Variants in RCBTB1 observed in about 807,000 individuals in gnomAD.
RCBTB1 encodes the protein RCC1 and BTB domain-containing protein 1.
RCBTB1 carries 46 observed loss-of-function variants against 62.4 expected under a neutral mutation model. The observed-to-expected ratio is 0.74, with a 90% CI of 0.58 to 0.94. The LOEUF (loss-of-function observed/expected upper bound fraction) is 0.94. RCBTB1 is among the 40% of genes least tolerant of loss of function. The pLI is 0.00. For missense variants in RCBTB1, 565 were observed against 654.9 expected (o/e 0.86, Z 1.50); for synonymous variants, 222 against 245.8 (o/e 0.90, Z 0.91).
chr13:49,572,695 T>G (rs1309113892), intron 2 of RCBTB1, among the ~76,000 whole-genome samples: 1 of 152,006 alleles, frequency 6.6e-6, no homozygotes, highest in Non-Finnish European at 1.5e-5. Flanking sequence ...TCTCAGCTAC[T>G]CAGGAGGCTG....
At chr13:49,575,857 A>G (rs2137372625) in intron 2 of RCBTB1, among the ~76,000 whole-genome samples, 1 of 152,252 alleles carries the variant, frequency 6.6e-6, no homozygotes, top group East Asian at 1.9e-4. Context: ...ATACCCATGT[A>G]ACAAACCTGC....
Position 49,541,729 on chromosome 13 carries a change from A to C in RCBTB1, c.1271T>G (p.Phe424Cys), listed in dbSNP as rs756269937. The change falls in exon 11 of 13, where the codon TTT becomes TGT. Residue 424 changes from phenylalanine (F) to cysteine (C), a missense_variant. By Grantham distance (205) the Phe-to-Cys change is radical (BLOSUM62 -2). Transcript: ENST00000378302. ...TGTGTCTGTGTAGAGGTACTGGAGA[A>C]AGGCACGATACACTGGGTAAGAAAA... is the stretch of plus-strand genomic sequence containing the variant. ...DQFSYPVYRA[F>C]LQYLYTDTVD... 5.0e-6 allele frequency: 8 copies of C among 1,613,978 alleles called. No individual in the cohort carries two copies. Among genetic ancestry groups the C allele is most frequent in the Non-Finnish European group, 6.8e-6 (8 of 1,180,024 alleles).
At chr13:49,542,183 T>G (rs140833440) in intron 10 of RCBTB1, among the ~76,000 whole-genome samples, 2,067 of 147,290 alleles carry the variant, frequency 0.014, 42 homozygotes, top group African/African-American at 0.049. Flanking sequence ...TTCTGCACTC[T>G]AGCCTGGCAA....
intron 4 of RCBTB1, among the ~76,000 whole-genome samples, chr13:49,564,356 G>T (rs1279874944): frequency 6.6e-6 from 1 of 152,092 alleles, no homozygotes; most frequent in Non-Finnish European, 1.5e-5. Flanking sequence ...GGAAGCCAAG[G>T]TGGGCGGATC....
At chr13:49,570,385 G>A (rs112271537) in intron 2 of RCBTB1, among the ~76,000 whole-genome samples, 141 of 152,304 alleles carry the variant, frequency 9.3e-4, no homozygotes, top group African/African-American at 3.2e-3. Context: ...CCAAAGACTT[G>A]TCATTTAAGA....
intron 2 of RCBTB1, among the ~76,000 whole-genome samples, chr13:49,567,686 C>T (rs553033344): frequency 2.0e-5 from 3 of 152,214 alleles, no homozygotes; most frequent in East Asian, 1.9e-4. Flanking sequence ...ACACAGAGGG[C>T]GCCTGCAGCT....
intron 4 of RCBTB1, among the ~76,000 whole-genome samples, chr13:49,561,491 G>A (rs967005463): frequency 7.2e-5 from 11 of 152,210 alleles, no homozygotes. Flanking sequence ...ATGATATTGT[G>A]TTAAAAGCTA....
chr13:49,558,925 T>C (rs953021946), intron 5 of RCBTB1, among the ~76,000 whole-genome samples: 1 of 152,176 alleles, frequency 6.6e-6, no homozygotes, highest in African/African-American at 2.4e-5. Context: ...CACCATAAAT[T>C]GGGTAAATAA....
chr13:49,565,314 G>C (rs1428960997), intron 4 of RCBTB1, among the ~76,000 whole-genome samples: 1 of 152,218 alleles, frequency 6.6e-6, no homozygotes, highest in Admixed American at 6.5e-5. Flanking sequence ...CGTTCACTCA[G>C]TGCTCAATGT....
chr13:49,535,288 C>T (rs377136239), intron 12 of RCBTB1, among the ~76,000 whole-genome samples: 1 of 152,120 alleles, frequency 6.6e-6, no homozygotes, highest in Non-Finnish European at 1.5e-5. Context: ...TATGCTAATC[C>T]ACCCTTTCAT....
At chr13:49,534,956 C>T (rs889486852) in intron 12 of RCBTB1, among the ~76,000 whole-genome samples, 1 of 152,128 alleles carries the variant, frequency 6.6e-6, no homozygotes, top group Non-Finnish European at 1.5e-5. Flanking sequence ...ATCGTTTGAG[C>T]CTGGGAGGCA....
At chr13:49,576,101 G>A (rs1963765128) in intron 2 of RCBTB1, among the ~76,000 whole-genome samples, 1 of 145,238 alleles carries the variant, frequency 6.9e-6, no homozygotes, top group Non-Finnish European at 1.5e-5. Flanking sequence ...GAAGGAGAAT[G>A]GCATGAACCT....
chr13:49,582,020 G>C (rs1594365096), intron 1 of RCBTB1, among the ~76,000 whole-genome samples: 1 of 152,272 alleles, frequency 6.6e-6, no homozygotes, highest in African/African-American at 2.4e-5. Context: ...AGTAATCACA[G>C]AATGTGATAG....
At chr13:49,538,111 T>G (rs1960069170) in intron 12 of RCBTB1, 1 of 152,188 alleles carries the variant, frequency 6.6e-6, no homozygotes, top group Non-Finnish European at 1.5e-5. Flanking sequence ...TGCAGTCAAT[T>G]TCTAACCTGA....
At chr13:49,567,090 G>C in intron 3 of RCBTB1, 64 bp downstream of exon 3, 1 of 1,505,188 alleles carries the variant, frequency 6.6e-7, no homozygotes, top group Non-Finnish European at 9.2e-7. Flanking sequence ...CTTTGAACTG[G>C]ACACTTTGAA....
intron 2 of RCBTB1, among the ~76,000 whole-genome samples, chr13:49,569,434 A>G (rs80069456): frequency 0.22 from 33,855 of 151,796 alleles, 4,660 homozygotes; most frequent in East Asian, 0.55. Context: ...AAAAAAGGCC[A>G]GGCACGGTAG....
chr13:49,563,257 T>C (rs9568265), intron 4 of RCBTB1, among the ~76,000 whole-genome samples: 31,591 of 137,908 alleles, frequency 0.23, 3,859 homozygotes, highest in African/African-American at 0.36. Context: ...AAAAATGAGG[T>C]GGGAAGATCG....
intron 2 of RCBTB1, among the ~76,000 whole-genome samples, chr13:49,571,344 C>G (rs1594339190): frequency 6.6e-6 from 1 of 151,652 alleles, no homozygotes; most frequent in East Asian, 1.9e-4. Context: ...GAAACCCCAT[C>G]TCAAAAAAAA....
At chr13:49,573,505 G>A (rs527254040) in intron 2 of RCBTB1, among the ~76,000 whole-genome samples, 2 of 139,910 alleles carry the variant, frequency 1.4e-5, no homozygotes, top group Middle Eastern at 4.1e-3. Context: ...CTGGAGTGCT[G>A]TGGCACGATC....
Sources: allele counts gnomAD v4.1 joint callset (sites outside exome capture counted in the v4.1 genomes callset), GRCh38; gene constraint gnomAD v4.1.1; transcripts MANE v1.5; gene names NCBI Gene and HGNC (gene_info 2026-07-23, HGNC 2026-07-21).